The following FHIP1A variants were observed in gnomAD, a reference collection of about 807,000 sequenced individuals.
FHIP1A encodes the protein FHF complex subunit HOOK-interacting protein 1A.
A neutral mutation model predicts 88.6 loss-of-function variants in FHIP1A; 61 were observed. The observed-to-expected ratio is 0.69, with a 90% CI of 0.56 to 0.85. The LOEUF (loss-of-function observed/expected upper bound fraction) is 0.85, where lower values mean the gene tolerates loss of function less well. Among genes scored for constraint, FHIP1A ranks in the 40% least tolerant of loss-of-function variants. The pLI, the probability that FHIP1A is intolerant of heterozygous loss-of-function variation, is 0.00. For synonymous variants in FHIP1A, 478 were observed against 496.0 expected, an observed-to-expected ratio of 0.96 and a Z score of 0.48; for missense variants, 1,154 against 1,273.5, an observed-to-expected ratio of 0.91 and a Z score of 1.43.
intron 1 of FHIP1A, among the ~76,000 whole-genome samples, chr4:151,428,810 G>T (rs2724564): frequency 0.52 from 78,555 of 151,356 alleles, 20,619 homozygotes; most frequent in African/African-American, 0.55. Flanking sequence ...ACACACTGTT[G>T]ACCATACTTG....
intron 3 of FHIP1A, among the ~76,000 whole-genome samples, chr4:151,505,766 C>G (rs950598624): frequency 2.6e-5 from 4 of 152,050 alleles, no homozygotes; most frequent in African/African-American, 9.7e-5. Flanking sequence ...CACTTGATAC[C>G]AGGAGTTCAA....
At chr4:151,448,467 T>C (rs565636370) in intron 1 of FHIP1A, among the ~76,000 whole-genome samples, 4 of 152,260 alleles carry the variant, frequency 2.6e-5, no homozygotes, top group African/African-American at 7.2e-5. Context: ...AATTCCCCAT[T>C]ATCCCCCTTG....
At chr4:151,430,866 G>A (rs1357126254) in intron 1 of FHIP1A, among the ~76,000 whole-genome samples, 5 of 152,250 alleles carry the variant, frequency 3.3e-5, no homozygotes, top group Non-Finnish European at 5.9e-5. Context: ...TAGTTTACAC[G>A]GGCAGTAACA....
chr4:151,510,764 C>T (rs889101479), intron 3 of FHIP1A, among the ~76,000 whole-genome samples: 11 of 152,296 alleles, frequency 7.2e-5, no homozygotes, highest in Non-Finnish European at 1.2e-4. Flanking sequence ...CTAAAGGTAA[C>T]AGTTTCTAGT....
chr4:151,422,441 C>T (rs1435629359), intron 1 of FHIP1A, among the ~76,000 whole-genome samples: 1 of 151,830 alleles, frequency 6.6e-6, no homozygotes, highest in Non-Finnish European at 1.5e-5. Flanking sequence ...GGCTGGAGTG[C>T]AGTGGTGCAG....
intron 3 of FHIP1A, among the ~76,000 whole-genome samples, chr4:151,506,914 T>G (rs760568391): frequency 2.6e-5 from 4 of 152,184 alleles, no homozygotes; most frequent in Non-Finnish European, 5.9e-5. Context: ...CAAACAACTT[T>G]GCTTCCTGGG....
intron 3 of FHIP1A, among the ~76,000 whole-genome samples, chr4:151,508,221 C>T (rs1312797988): frequency 6.6e-6 from 1 of 152,182 alleles, no homozygotes; most frequent in Non-Finnish European, 1.5e-5. Context: ...TAGAATATCT[C>T]AGAGAGATGC....
chr4:151,549,332 C>T (rs557720280), intron 3 of FHIP1A, among the ~76,000 whole-genome samples: 40 of 152,108 alleles, frequency 2.6e-4, no homozygotes, highest in African/African-American at 7.5e-4. Flanking sequence ...GCTGAACATA[C>T]TGACATACTG....
chr4:151,591,742 T>C (rs1487546300), intron 7 of FHIP1A, among the ~76,000 whole-genome samples: 1 of 152,156 alleles, frequency 6.6e-6, no homozygotes, highest in African/African-American at 2.4e-5. Flanking sequence ...AGAATGATGG[T>C]TTCCAGCTTC....
chr4:151,470,169 A>T (rs575063380), intron 2 of FHIP1A, among the ~76,000 whole-genome samples: 1 of 152,342 alleles, frequency 6.6e-6, no homozygotes, highest in African/African-American at 2.4e-5. Context: ...TTTAAGCCAG[A>T]GGTTAGTGCC....
intron 1 of FHIP1A, among the ~76,000 whole-genome samples, chr4:151,426,105 C>T (rs1021593778): frequency 2.0e-5 from 3 of 151,950 alleles, no homozygotes; most frequent in Admixed American, 6.6e-5. Context: ...AAAAAACAAG[C>T]GGGGCGGAGA....
intron 11 of FHIP1A, among the ~76,000 whole-genome samples, chr4:151,651,578 G>A (rs900318085): frequency 2.0e-5 from 3 of 152,208 alleles, no homozygotes; most frequent in African/African-American, 7.2e-5. Context: ...TTGCTCCTGT[G>A]AGGACTGAAT....
chr4:151,451,905 T>G (rs567767443), intron 1 of FHIP1A, among the ~76,000 whole-genome samples: 1 of 151,960 alleles, frequency 6.6e-6, no homozygotes, highest in African/African-American at 2.4e-5. Flanking sequence ...ATTACAGCCT[T>G]GACCTCCTGG....
rs1421962208 is a variant in FHIP1A at position 151,668,994 on chromosome 4, C to G, written c.*6240C>G. ...GCATCACCTGTGGTGCCAACTCATA[C>G]ATTTTAATGAGATTTCTCCCTGAAG... On this transcript the variant is annotated 3_prime_UTR_variant, in exon 14 of 14. Transcript: ENST00000435205. Among the ~76,000 whole-genome samples the G allele has an allele frequency of 1.3e-5, 2 of 152,228 alleles. No individual in the cohort carries two copies. Among genetic ancestry groups the G allele is most frequent in the Admixed American group, 6.5e-5 (1 of 15,290 alleles).
At chr4:151,634,904 C>T (rs931983723) in intron 8 of FHIP1A, among the ~76,000 whole-genome samples, 2 of 151,566 alleles carry the variant, frequency 1.3e-5, no homozygotes, top group African/African-American at 4.8e-5. Flanking sequence ...GGGAGTACAT[C>T]AAACTTAACA....
At chr4:151,563,917 C>T (rs1362502978) in intron 3 of FHIP1A, among the ~76,000 whole-genome samples, 2 of 152,052 alleles carry the variant, frequency 1.3e-5, no homozygotes, top group Non-Finnish European at 2.9e-5. Context: ...TGCTTGTGCC[C>T]AGGAGTTCAA....
chr4:151,634,787 A>T, intron 8 of FHIP1A, among the ~76,000 whole-genome samples: 1 of 151,962 alleles, frequency 6.6e-6, no homozygotes, highest in Non-Finnish European at 1.5e-5. Flanking sequence ...TGAGATCTGA[A>T]ACTACAAAAC....
rs74327398 is a variant in FHIP1A, at chr4:151,485,282, G to GTTTTTTTTTT, written c.-123+2645_-123+2654dup. Reference sequence around the variant, plus strand: ...TCGAGCATAGTTTGGATCTTTTCCAGTTTTTTTTTTTTTTTTTTTTGTCTG... The same window carrying GTTTTTTTTTT: ...TCGAGCATAGTTTGGATCTTTTCCAGTTTTTTTTTTTTTTTTTTTTTTTTTTTTTTGTCTG... On this transcript the variant is annotated intron_variant, in intron 3 of 13. Transcript: ENST00000435205. 1.8e-3 allele frequency among the ~76,000 whole-genome samples: 217 copies of GTTTTTTTTTT among 118,694 alleles called. 7 individuals are homozygous for GTTTTTTTTTT. Among genetic ancestry groups the GTTTTTTTTTT allele is most frequent in the African/African-American group, 5.3e-3 (153 of 29,054 alleles). 77.9% of individuals were successfully genotyped at this position (118,694 alleles called of 152,430 possible).
chr4:151,482,778 G>A (rs549654646), intron 3 of FHIP1A, 130 bp downstream of exon 3: 1 of 151,698 alleles, frequency 6.6e-6, no homozygotes, highest in East Asian at 1.9e-4. Flanking sequence ...TGTTTAAAAT[G>A]TCTTAGGGAG....
Sources: allele counts gnomAD v4.1 joint callset (sites outside exome capture counted in the v4.1 genomes callset), GRCh38; gene constraint gnomAD v4.1.1; transcripts MANE v1.5; gene names NCBI Gene and HGNC (gene_info 2026-07-23, HGNC 2026-07-21).